The following APOL5 variants were observed in gnomAD, a reference collection of about 807,000 sequenced individuals.
The protein encoded by APOL5 is apolipoprotein L5, also known as apolipoprotein L, 5.
APOL5 carries 29 observed loss-of-function variants against 35.5 expected under a neutral mutation model. The observed-to-expected ratio is 0.82, with a 90% CI of 0.61 to 1.11. The LOEUF is 1.11. APOL5 is among the 50% of genes most tolerant of loss of function. The probability of loss-of-function intolerance (pLI) is 0.00; values close to 1 mark genes in which losing one functional copy is unlikely to be tolerated. For missense variants in APOL5, 514 were observed against 530.4 expected (o/e 0.97, Z 0.30); for synonymous variants, 188 against 200.2 (o/e 0.94, Z 0.51).
chr22:35,711,715 GC>G, the APOL5 span, among the ~76,000 whole-genome samples: 6 of 133,042 alleles, frequency 4.5e-5, no homozygotes, highest in Admixed American at 5.1e-4. Flanking sequence ...TGCTCTTGTC[GC>G]CCAGGCTGGA....
At chr22:35,713,189 TTATC>T (rs1329128369), upstream of APOL5, among the ~76,000 whole-genome samples, 1 of 152,246 alleles carries the variant, frequency 6.6e-6, no homozygotes, top group Non-Finnish European at 1.5e-5. Context: ...TTAATCTAGT[TTATC>T]TATTTTCCCT....
the APOL5 span, among the ~76,000 whole-genome samples, chr22:35,712,003 T>C: frequency 6.6e-6 from 1 of 150,980 alleles, no homozygotes; most frequent in Non-Finnish European, 1.5e-5. Flanking sequence ...TTGTTGTTGT[T>C]GTTGCTGTTT....
At chr22:35,728,602 G>A in intron 3 of APOL5, 121 bp from the exon 4 acceptor site, 1 of 1,128,896 alleles carries the variant, frequency 8.9e-7, no homozygotes, top group Non-Finnish European at 1.2e-6. Context: ...GGGCGGGAGG[G>A]GTTTTCTTCT....
upstream of APOL5, among the ~76,000 whole-genome samples, chr22:35,712,939 A>G (rs1462951832): frequency 1.3e-5 from 2 of 152,152 alleles, no homozygotes; most frequent in African/African-American, 4.8e-5. Context: ...ATTTAGTCCT[A>G]TCGTCACTGC....
At chr22:35,722,110 T>C (rs1346364411) in intron 2 of APOL5, among the ~76,000 whole-genome samples, 1 of 152,158 alleles carries the variant, frequency 6.6e-6, no homozygotes, top group African/African-American at 2.4e-5. Context: ...AAAAAGGCAT[T>C]GACTTTTCAG....
chr22:35,710,697 C>T, the APOL5 span, among the ~76,000 whole-genome samples: 1 of 152,102 alleles, frequency 6.6e-6, no homozygotes, highest in African/African-American at 2.4e-5. Context: ...TAAACAATAA[C>T]TCCTCATTCC....
chr22:35,714,170 G>A (rs375405090), upstream of APOL5, among the ~76,000 whole-genome samples: 81 of 152,112 alleles, frequency 5.3e-4, no homozygotes, highest in African/African-American at 1.9e-3. Flanking sequence ...AAATTAGCCA[G>A]GCGTGGTGGT....
At chr22:35,717,235 A>AATATATATATATATATATATATAT (rs1555930034), upstream of APOL5, among the ~76,000 whole-genome samples, 8 of 57,646 alleles carry the variant, frequency 1.4e-4, no homozygotes, top group African/African-American at 5.6e-4. Context: ...AAAAAAAAAA[A>AATATATATATATATATATATATAT]ATATATATAT....
At chr22:35,717,998 T>TA in intron 1 of APOL5, 72 bp downstream of exon 1, 1 of 1,322,508 alleles carries the variant, frequency 7.6e-7, no homozygotes, top group Non-Finnish European at 1.0e-6. Flanking sequence ...ATAGAAAAAA[T>TA]ACGTTACACT....
chr22:35,721,862 C>G (rs1484144983), intron 2 of APOL5, among the ~76,000 whole-genome samples: 1 of 151,768 alleles, frequency 6.6e-6, no homozygotes, highest in East Asian at 1.9e-4. Context: ...TAACTCTTGC[C>G]AAAGTGTCCA....
upstream of APOL5, among the ~76,000 whole-genome samples, chr22:35,713,658 T>C (rs1926656005): frequency 6.6e-6 from 1 of 152,154 alleles, no homozygotes. Flanking sequence ...CGGCCTAGGA[T>C]CCATTGTCAT....
the APOL5 span, among the ~76,000 whole-genome samples, chr22:35,711,848 G>A: frequency 6.6e-6 from 1 of 151,878 alleles, no homozygotes; most frequent in Middle Eastern, 3.2e-3. Context: ...GTTAATTTTT[G>A]TATTTTAGTG....
intron 2 of APOL5, among the ~76,000 whole-genome samples, chr22:35,721,551 A>AT (rs1926972338): frequency 6.6e-6 from 1 of 151,678 alleles, no homozygotes; most frequent in South Asian, 2.1e-4. Flanking sequence ...ATTTAAAAAA[A>AT]AAAAATCCTT....
chr22:35,717,754 G>GAAAAAA, upstream of APOL5: 2 of 346,382 alleles, frequency 5.8e-6, no homozygotes, highest in East Asian at 4.4e-5. Flanking sequence ...AAAAAAAAAA[G>GAAAAAA]AAAGAAAAGA....
At chr22:35,720,839 A>G (rs1161249614) in intron 2 of APOL5, among the ~76,000 whole-genome samples, 185 bp downstream of exon 2, 1 of 152,144 alleles carries the variant, frequency 6.6e-6, no homozygotes, top group African/African-American at 2.4e-5. Context: ...TCTGCCTCCC[A>G]GGTTCAAGTG....
chr22:35,717,896 T>C lies in APOL5; in HGVS notation c.25T>C (p.Leu9=), dbSNP rs1255993915. The change falls in exon 1 of 5, where the codon TTG becomes CTG. Residue 9 remains leucine (L), a synonymous_variant. Coordinates refer to ENST00000249044, the MANE Select transcript of APOL5 (RefSeq NM_030642.1). MPCGKQGN[L]QVPGSKVLPG... ...CATGCCATGTGGCAAACAAGGAAATTTGCAAGTTCCCGGTTCCAAGGTGTT... is the reference window on the plus strand; with the variant it reads ...CATGCCATGTGGCAAACAAGGAAATCTGCAAGTTCCCGGTTCCAAGGTGTT... 1 of 1,588,956 alleles carries C rather than the reference T, an allele frequency of 6.3e-7. No individual in the cohort carries two copies.
At chr22:35,711,658 C>T in the APOL5 span, among the ~76,000 whole-genome samples, 1 of 104,064 alleles carries the variant, frequency 9.6e-6, no homozygotes, top group African/African-American at 3.3e-5. Context: ...CTCCCTCCCT[C>T]CCTCTCTTCC....
chr22:35,712,750 C>T, the APOL5 span, among the ~76,000 whole-genome samples: 1 of 152,130 alleles, frequency 6.6e-6, no homozygotes, highest in Non-Finnish European at 1.5e-5. Context: ...GGGCTGTGTT[C>T]TAGGCTAGCA....
chr22:35,712,008 CTGTT>C, the APOL5 span, among the ~76,000 whole-genome samples: 1 of 150,848 alleles, frequency 6.6e-6, no homozygotes, highest in Non-Finnish European at 1.5e-5. Flanking sequence ...GTTGTTGTTG[CTGTT>C]TGTTTGTTTT....
Sources: allele counts gnomAD v4.1 joint callset (sites outside exome capture counted in the v4.1 genomes callset), GRCh38; gene constraint gnomAD v4.1.1; transcripts MANE v1.5; gene names NCBI Gene and HGNC (gene_info 2026-07-23, HGNC 2026-07-21).